Variants in ADAMTS17 observed in about 807,000 individuals in gnomAD.
The protein encoded by ADAMTS17 is A disintegrin and metalloproteinase with thrombospondin motifs 17.
A neutral mutation model predicts 141.5 loss-of-function variants in ADAMTS17; 113 were observed. The ratio of observed to expected loss-of-function variants is 0.80; its 90% confidence interval spans 0.69 to 0.93. ADAMTS17 has a LOEUF of 0.93. Ranked by LOEUF, ADAMTS17 falls within the 40% of genes least tolerant of loss-of-function variation. The pLI is 0.00. For missense variants in ADAMTS17, 1,659 were observed against 1,517.9 expected, an observed-to-expected ratio of 1.09 and a Z score of -1.54; for synonymous variants, 768 against 630.6, an observed-to-expected ratio of 1.22 and a Z score of -3.27.
intron 7 of ADAMTS17, among the ~76,000 whole-genome samples, chr15:100,249,416 G>A (rs902243460): frequency 1.3e-5 from 2 of 152,218 alleles, no homozygotes; most frequent in Non-Finnish European, 2.9e-5. Flanking sequence ...CGTGGGAGGT[G>A]CTGTTGCCTC....
chr15:100,214,855 A>T (rs970002053), intron 7 of ADAMTS17, among the ~76,000 whole-genome samples: 6 of 152,248 alleles, frequency 3.9e-5, no homozygotes, highest in African/African-American at 1.4e-4. Flanking sequence ...TATCACTATG[A>T]GCACAACGAC....
At chr15:100,180,558 G>A (rs955840069) in intron 8 of ADAMTS17, among the ~76,000 whole-genome samples, 2 of 152,100 alleles carry the variant, frequency 1.3e-5, no homozygotes, top group Non-Finnish European at 2.9e-5. Flanking sequence ...TGTGAAGAAT[G>A]TCATTGATAT....
rs565893965 is a variant in ADAMTS17, at chr15:100,152,699, C to T, written c.1386G>A (p.Pro462=). Residue 462 remains proline, a synonymous_variant, in exon 10 of 22, where the codon CCG becomes CCA. Transcript: ENST00000268070. ...TGTAGTGCATGCCCGGCAGCTTGTG[C>T]GGGAGGCGTACTGTGTGCTGGCTTC... ...DPRSQHTVRL[P]HKLPGMHYSA... 1.4e-4 allele frequency: 221 copies of T among 1,614,184 alleles called. No individual in the cohort carries two copies. Among genetic ancestry groups the T allele is most frequent in the Middle Eastern group, 3.3e-4 (2 of 6,062 alleles).
intron 3 of ADAMTS17, among the ~76,000 whole-genome samples, chr15:100,326,017 G>T (rs956253799): frequency 6.6e-6 from 1 of 151,994 alleles, no homozygotes; most frequent in African/African-American, 2.4e-5. Context: ...TAAGCCCCTG[G>T]GTCTGTGCAG....
chr15:100,204,134 G>T (rs1388252810), intron 7 of ADAMTS17, among the ~76,000 whole-genome samples: 2 of 152,150 alleles, frequency 1.3e-5, no homozygotes, highest in Non-Finnish European at 2.9e-5. Context: ...AAAACTACAT[G>T]ATAGAAGCTC....
At chr15:100,136,583 G>A (rs2038345316) in intron 10 of ADAMTS17, among the ~76,000 whole-genome samples, 1 of 152,344 alleles carries the variant, frequency 6.6e-6, no homozygotes, top group African/African-American at 2.4e-5. Context: ...GCAGCCCTGG[G>A]AGGCAGGCAG....
In ADAMTS17 at chr15:100,158,160, T is replaced by C. The variant is rs374378038; in HGVS notation, c.1182-2840A>G. On this transcript the variant is annotated intron_variant, in intron 8 of 21. Coordinates refer to ENST00000268070, the MANE Select transcript of ADAMTS17 (RefSeq NM_139057.4). ...CCTCGGCCTCCCAAAGTGCTGGGAT[T>C]ACAGGCGTCAGCCACTGCTTAATGG... 1.4e-4 allele frequency among the ~76,000 whole-genome samples: 21 copies of C among 152,306 alleles called. No individual in the cohort carries two copies. The East Asian group carries it at 1.7e-3, about 13-fold the overall frequency.
rs150548837 is a variant in ADAMTS17, at chr15:100,178,734, G to A, written c.1181+20584C>T. Reference sequence around the variant, plus strand: ...TATTTCAGCCATTCTTTAAGGGTCCGTTTACTAGCAACAAATTCTATTAGA... The same window carrying A: ...TATTTCAGCCATTCTTTAAGGGTCCATTTACTAGCAACAAATTCTATTAGA... On this transcript the variant is annotated intron_variant, in intron 8 of 21. Coordinates refer to ENST00000268070, the MANE Select transcript of ADAMTS17 (RefSeq NM_139057.4). Among the ~76,000 whole-genome samples the A allele has an allele frequency of 4.1e-3, 622 of 152,154 alleles. 3 individuals are homozygous for A. The highest frequency in any genetic ancestry group is 0.014 in the African/African-American group (563 of 41,516).
chr15:100,158,877 C>T (rs906114113), intron 8 of ADAMTS17, among the ~76,000 whole-genome samples: 11 of 152,124 alleles, frequency 7.2e-5, no homozygotes, highest in Admixed American at 1.3e-4. Context: ...AGATGCCCAA[C>T]GTCACTAATC....
intron 13 of ADAMTS17, 133 bp from the exon 14 acceptor site, chr15:100,109,249 A>C: frequency 9.6e-6 from 13 of 1,348,822 alleles, no homozygotes; most frequent in East Asian, 2.5e-5. Context: ...GCATGAGCTC[A>C]GGTACGCGCT....
intron 3 of ADAMTS17, among the ~76,000 whole-genome samples, chr15:100,287,522 A>G (rs1406058903): frequency 6.6e-6 from 1 of 152,238 alleles, no homozygotes; most frequent in African/African-American, 2.4e-5. Flanking sequence ...ATTCAAATTC[A>G]GGAAATAGAG....
At chr15:100,120,982 G>T (rs1007038352) in intron 12 of ADAMTS17, among the ~76,000 whole-genome samples, 1 of 152,142 alleles carries the variant, frequency 6.6e-6, no homozygotes, top group African/African-American at 2.4e-5. Flanking sequence ...AAGACAGGAA[G>T]ACAATCTATA....
chr15:100,261,701 T>C, intron 5 of ADAMTS17, 65 bp from the exon 6 acceptor site: 1 of 1,550,784 alleles, frequency 6.4e-7, no homozygotes, highest in Non-Finnish European at 8.8e-7. Context: ...ATTTCCAGAC[T>C]ATGACAAGGA....
chr15:100,086,289 A>G (rs532393091), intron 15 of ADAMTS17, among the ~76,000 whole-genome samples: 1 of 152,028 alleles, frequency 6.6e-6, no homozygotes, highest in South Asian at 2.1e-4. Flanking sequence ...TTCAACAAGA[A>G]GAGCTAACTA....
Position 100,164,337 on chromosome 15 carries a change from C to G in ADAMTS17, c.1182-9017G>C, listed in dbSNP as rs542417865. On this transcript the variant is annotated intron_variant, in intron 8 of 21. Transcript: ENST00000268070. Reference sequence around the variant, plus strand: ...CTCTGCCTCTTGAGAAAGAAACATACCTCTGAGCCTTAGTTTCCTCATCTA... The same window carrying G: ...CTCTGCCTCTTGAGAAAGAAACATAGCTCTGAGCCTTAGTTTCCTCATCTA... Among the ~76,000 whole-genome samples the G allele has an allele frequency of 3.3e-5, 5 of 152,280 alleles. No homozygotes were observed. In the East Asian group the frequency reaches 9.7e-4, roughly 29 times the overall value.
chr15:100,172,513 C>A (rs2040197644), intron 8 of ADAMTS17, among the ~76,000 whole-genome samples: 1 of 152,152 alleles, frequency 6.6e-6, no homozygotes, highest in South Asian at 2.1e-4. Context: ...TCACCTGCTC[C>A]ATCCTGACTC....
At chr15:100,102,565 G>C (rs548748878) in intron 14 of ADAMTS17, among the ~76,000 whole-genome samples, 1 of 150,846 alleles carries the variant, frequency 6.6e-6, no homozygotes, top group African/African-American at 2.4e-5. Context: ...GCCGACCGAA[G>C]GGGCTCTACA....
chr15:100,281,911 T>C (rs894654470), intron 3 of ADAMTS17, among the ~76,000 whole-genome samples: 7 of 152,090 alleles, frequency 4.6e-5, no homozygotes, highest in East Asian at 1.9e-4. Context: ...AAAAACACTA[T>C]GTTTTTTAAA....
intron 8 of ADAMTS17, among the ~76,000 whole-genome samples, chr15:100,186,918 T>C (rs760182006): frequency 2.0e-5 from 3 of 152,238 alleles, no homozygotes; most frequent in Non-Finnish European, 2.9e-5. Flanking sequence ...ATTTGTCTCA[T>C]TTCCCTTTTG....
Sources: allele counts gnomAD v4.1 joint callset (sites outside exome capture counted in the v4.1 genomes callset), GRCh38; gene constraint gnomAD v4.1.1; transcripts MANE v1.5; gene names NCBI Gene and HGNC (gene_info 2026-07-23, HGNC 2026-07-21).